The following LDB2 variants were observed in gnomAD, a reference collection of about 807,000 sequenced individuals.
The protein encoded by LDB2 is LIM domain binding 2, also known as LIM domain-binding protein 2.
Under a neutral mutation model 44.3 loss-of-function variants are expected in LDB2, and 12 were observed. That is an observed-to-expected ratio of 0.27 (90% CI 0.17 to 0.44). The LOEUF (loss-of-function observed/expected upper bound fraction) is 0.44, where lower values mean the gene tolerates loss of function less well. Ranked by LOEUF, LDB2 falls within the 20% of genes least tolerant of loss-of-function variation. The probability of loss-of-function intolerance (pLI) is 1.00; values close to 1 mark genes in which losing one functional copy is unlikely to be tolerated. For missense variants in LDB2, 344 were observed against 473.5 expected, an observed-to-expected ratio of 0.73 and a Z score of 2.54; for synonymous variants, 164 against 174.8, an observed-to-expected ratio of 0.94 and a Z score of 0.49.
chr4:16,810,958 T>C (rs1779738112), intron 1 of LDB2, among the ~76,000 whole-genome samples: 1 of 152,080 alleles, frequency 6.6e-6, no homozygotes, highest in African/African-American at 2.4e-5. Context: ...CACAGACTGG[T>C]GGGGGGTGGT....
rs1038008363 is a variant in LDB2, at chr4:16,533,653, C to T, written c.616-21549G>A. On this transcript the variant is annotated intron_variant, in intron 5 of 7. Transcript: ENST00000304523. The surrounding 1 kb of genome is among the most constrained non-coding windows in gnomAD (Gnocchi z 4.1). ...GGCAGCTCCTTCACCATATCCCTAA[C>T]GTTACCAGACACCTTGTCTGAGGGA... Among the ~76,000 whole-genome samples the T allele has an allele frequency of 1.3e-5, 2 of 152,216 alleles. No homozygotes were observed. Among genetic ancestry groups the T allele is most frequent in the African/African-American group, 4.8e-5 (2 of 41,448 alleles).
intron 1 of LDB2, among the ~76,000 whole-genome samples, chr4:16,889,893 G>A (rs977209901): frequency 2.6e-5 from 4 of 152,188 alleles, no homozygotes; most frequent in Admixed American, 1.3e-4. Context: ...GGCTCTCTAG[G>A]AAGAGAACAT....
intron 1 of LDB2, among the ~76,000 whole-genome samples, chr4:16,783,495 G>A (rs566843729): frequency 6.6e-6 from 1 of 152,344 alleles, no homozygotes; most frequent in East Asian, 1.9e-4. Context: ...ATTCATGCCT[G>A]GCTCTTGCTT....
intron 1 of LDB2, among the ~76,000 whole-genome samples, chr4:16,842,331 T>A (rs908912762): frequency 2.0e-5 from 3 of 152,044 alleles, no homozygotes; most frequent in Non-Finnish European, 4.4e-5. Flanking sequence ...GGACTGAGAA[T>A]GTCAGAGAGA....
intron 2 of LDB2, among the ~76,000 whole-genome samples, chr4:16,696,616 G>A (rs1033863336): frequency 6.6e-6 from 1 of 152,092 alleles, no homozygotes; most frequent in Non-Finnish European, 1.5e-5. Flanking sequence ...CAAAGGGCCT[G>A]TACTCTCTCT....
chr4:16,675,559 A>G (rs7660353), intron 2 of LDB2, among the ~76,000 whole-genome samples: 8,292 of 151,948 alleles, frequency 0.055, 316 homozygotes, highest in Middle Eastern at 0.16. Flanking sequence ...AGATAATTAT[A>G]GGACCAAAAT....
intron 2 of LDB2, among the ~76,000 whole-genome samples, chr4:16,725,580 C>T (rs1759261337): frequency 6.6e-6 from 1 of 152,084 alleles, no homozygotes; most frequent in Non-Finnish European, 1.5e-5. Flanking sequence ...AATCTTTGTT[C>T]CCACTTTCTA....
chr4:16,749,870 C>G (rs1303595683), intron 2 of LDB2, among the ~76,000 whole-genome samples: 2 of 152,116 alleles, frequency 1.3e-5, no homozygotes, highest in Admixed American at 1.3e-4. Flanking sequence ...AGCGTTTTCT[C>G]TCATGAGTTT....
intron 5 of LDB2, among the ~76,000 whole-genome samples, chr4:16,539,594 C>A (rs1340926371): frequency 6.6e-6 from 1 of 152,178 alleles, no homozygotes; most frequent in Non-Finnish European, 1.5e-5. Flanking sequence ...TCCCATGAAG[C>A]AGGCAAGGCA....
intron 1 of LDB2, among the ~76,000 whole-genome samples, chr4:16,793,227 C>T (rs1181377603): frequency 6.6e-6 from 1 of 152,138 alleles, no homozygotes; most frequent in East Asian, 1.9e-4. Context: ...AGCTTTTGTG[C>T]CCTTTTTTTG....
At chr4:16,813,877 C>CTTTTT (rs369397187) in intron 1 of LDB2, among the ~76,000 whole-genome samples, 2 of 143,942 alleles carry the variant, frequency 1.4e-5, no homozygotes. Context: ...CTTTTCTTTT[C>CTTTTT]TTTTTTTTTT....
intron 2 of LDB2, among the ~76,000 whole-genome samples, chr4:16,647,422 A>G (rs1045465499): frequency 1.3e-5 from 2 of 152,354 alleles, no homozygotes; most frequent in Admixed American, 1.3e-4. Flanking sequence ...GGTGAATTGT[A>G]TAGCACATGA....
At position 16,792,097 on chromosome 4, in the gene LDB2, A is replaced by T. The variant is rs1235729212; in HGVS notation, c.133-32837T>A. ...CAATACCCTAACATGTACACACTTG[A>T]TGAGAAACAAAATGGGTGTGGATTT... On this transcript the variant is annotated intron_variant, in intron 1 of 7. Coordinates refer to ENST00000304523, the MANE Select transcript of LDB2 (RefSeq NM_001290.5). Among the ~76,000 whole-genome samples, 3 of 152,206 alleles carry T rather than the reference A, an allele frequency of 2.0e-5. 1 individual carries two copies. The highest frequency in any genetic ancestry group is 2.0e-4 in the Admixed American group (3 of 15,290).
chr4:16,888,193 G>A (rs1420163871), intron 1 of LDB2, among the ~76,000 whole-genome samples: 1 of 152,190 alleles, frequency 6.6e-6, no homozygotes, highest in East Asian at 1.9e-4. Flanking sequence ...GGCCAGTCAA[G>A]GCCAGTGGGT....
intron 2 of LDB2, among the ~76,000 whole-genome samples, chr4:16,686,335 T>C (rs947181590): frequency 2.0e-5 from 3 of 152,246 alleles, no homozygotes; most frequent in South Asian, 2.1e-4. Context: ...AGTCATCACA[T>C]TGGAATCTTG....
At chr4:16,741,774 A>G (rs887953415) in intron 2 of LDB2, among the ~76,000 whole-genome samples, 1 of 152,242 alleles carries the variant, frequency 6.6e-6, no homozygotes, top group Non-Finnish European at 1.5e-5. Context: ...AAAGCATCAC[A>G]TATAGTTTGC....
At chr4:16,739,393 C>T (rs1762496865) in intron 2 of LDB2, among the ~76,000 whole-genome samples, 1 of 150,118 alleles carries the variant, frequency 6.7e-6, no homozygotes, top group Admixed American at 6.7e-5. Context: ...TCAAAACCAA[C>T]CTGGCCAAAT....
At chr4:16,514,455 C>T (rs76762197) in intron 5 of LDB2, among the ~76,000 whole-genome samples, 2,006 of 152,274 alleles carry the variant, frequency 0.013, 48 homozygotes, top group African/African-American at 0.046. Flanking sequence ...CAGTGGTGTC[C>T]AGTTCTAAAT....
At chr4:16,828,927 A>G (rs1783559993) in intron 1 of LDB2, among the ~76,000 whole-genome samples, 1 of 152,210 alleles carries the variant, frequency 6.6e-6, no homozygotes, top group African/African-American at 2.4e-5. Flanking sequence ...GAGCCAGTGT[A>G]TACTACAGAA....
Sources: allele counts gnomAD v4.1 joint callset (sites outside exome capture counted in the v4.1 genomes callset), GRCh38; gene constraint gnomAD v4.1.1; non-coding constraint Gnocchi (gnomAD v3.1); transcripts MANE v1.5; gene names NCBI Gene and HGNC (gene_info 2026-07-23, HGNC 2026-07-21).